The following UNC80 variants were observed in gnomAD, a reference collection of about 807,000 sequenced individuals.
The protein encoded by UNC80 is protein unc-80 homolog.
UNC80 carries 164 observed loss-of-function variants against 384.6 expected under a neutral mutation model. The ratio of observed to expected loss-of-function variants is 0.43; its 90% confidence interval spans 0.38 to 0.49. UNC80 has a LOEUF of 0.49. UNC80 is among the 20% of genes least tolerant of loss of function. The probability of loss-of-function intolerance (pLI) is 0.00; values close to 1 mark genes in which losing one functional copy is unlikely to be tolerated. For missense variants in UNC80, 3,330 were observed against 4,143.0 expected, an observed-to-expected ratio of 0.80 and a Z score of 5.39; for synonymous variants, 1,486 against 1,527.8, an observed-to-expected ratio of 0.97 and a Z score of 0.64.
At chr2:209,890,097 A>G (rs937522505) in intron 26 of UNC80, among the ~76,000 whole-genome samples, 3 of 152,084 alleles carry the variant, frequency 2.0e-5, no homozygotes, top group African/African-American at 4.8e-5. Flanking sequence ...TCCTATATGT[A>G]TATATATAAA....
chr2:209,976,303 G>C lies in UNC80; in HGVS notation c.8772G>C (p.Lys2924Asn). 6.4e-7 allele frequency: 1 copy of C among 1,551,764 alleles called. No individual in the cohort carries two copies. Among genetic ancestry groups the C allele is most frequent in the Non-Finnish European group, 8.7e-7 (1 of 1,147,024 alleles). The stretch of plus-strand genomic sequence containing the variant: ...TTTTGCGCCCTTTCATCCAGTGCAA[G>C]GTGTGGTGTGTGCTTCTCCTCCTGA... ...FVLLRPFIQC[K>N]LLAQPAENHE... The change falls in exon 57 of 65, where the codon AAG becomes AAC. Residue 2924 changes from lysine (K) to asparagine (N), a missense_variant and splice_region_variant. Physicochemically the swap from Lys to Asn is moderately conservative, Grantham distance 94 (BLOSUM62 0). Coordinates refer to ENST00000673920, the MANE Select transcript of UNC80 (RefSeq NM_001371986.1). The surrounding 1 kb of genome is among the most constrained non-coding windows in gnomAD (Gnocchi z 4.3).
At chr2:209,945,704 A>T in intron 46 of UNC80, 143 bp from the exon 47 acceptor site, 1 of 568,440 alleles carries the variant, frequency 1.8e-6, no homozygotes, top group Non-Finnish European at 3.1e-6. Flanking sequence ...TGAAGAAATT[A>T]ATAGTTTTCA....
At chr2:209,896,486 C>G (rs1224333872) in intron 28 of UNC80, 73 bp downstream of exon 28, 2 of 1,233,776 alleles carry the variant, frequency 1.6e-6, no homozygotes, top group Non-Finnish European at 2.3e-6. Context: ...GGAGGGAGGA[C>G]AAGAGATTAT....
In UNC80 at chr2:209,978,526, T is replaced by C. The variant is rs1040600515; in HGVS notation, c.8939-3T>C. The C allele has an allele frequency of 1.3e-6, 2 of 1,537,932 alleles. No homozygotes were observed. The highest frequency in any genetic ancestry group is 2.0e-5 in the Admixed American group (1 of 50,762). On this transcript the variant is annotated splice_polypyrimidine_tract_variant and splice_region_variant and intron_variant, in intron 58 of 64. Coordinates refer to ENST00000673920, the MANE Select transcript of UNC80 (RefSeq NM_001371986.1). ...ATTTCCTTTGGTCTCTCGCATCCTC[T>C]AGCCTACCAAGGCAAGACATCCATC...
At chr2:209,903,217 T>C (rs2124927831) in intron 28 of UNC80, among the ~76,000 whole-genome samples, 1 of 148,414 alleles carries the variant, frequency 6.7e-6, no homozygotes, top group East Asian at 2.0e-4. Context: ...TATTTTGGAA[T>C]ATTTTTGATC....
chr2:209,845,283 C>T (rs1214138430), intron 21 of UNC80: 1 of 152,110 alleles, frequency 6.6e-6, no homozygotes, highest in East Asian at 1.9e-4. Context: ...TATGGCATTT[C>T]ATTGTAGCTG....
At chr2:209,896,261 C>G in intron 27 of UNC80, 52 bp from the exon 28 acceptor site, 1 of 1,470,210 alleles carries the variant, frequency 6.8e-7, no homozygotes. Flanking sequence ...TACCAACATG[C>G]TCTCCAGGGA....
Position 209,976,827 on chromosome 2 carries a change from C to G in UNC80, c.8773-86C>G. Reference sequence around the variant, plus strand: ...CATCACATGCATTACCTTATTTATTCCTCACAACAATGAAATAGGTACAGC... The same window carrying G: ...CATCACATGCATTACCTTATTTATTGCTCACAACAATGAAATAGGTACAGC... On this transcript the variant is annotated intron_variant, in intron 57 of 64. Transcript: ENST00000673920. This position sits in a 1 kb window ranked among gnomAD's most constrained non-coding sequence, Gnocchi z 4.3. The G allele has an allele frequency of 2.2e-6, 3 of 1,375,058 alleles. No individual in the cohort carries two copies. The highest frequency in any genetic ancestry group is 2.9e-6 in the Non-Finnish European group (3 of 1,027,962). The allele number at this position is 1,375,058 out of a possible 1,614,324, so 85.2% of individuals were successfully genotyped here.
chr2:209,983,433 T>C (rs1181560264), intron 60 of UNC80, among the ~76,000 whole-genome samples: 1 of 152,118 alleles, frequency 6.6e-6, no homozygotes, highest in African/African-American at 2.4e-5. Context: ...GTTTGTATCA[T>C]TGTAAGAAAT....
rs2091747776 is a variant in UNC80 at position 209,943,402 on chromosome 2, A to G, written c.6938A>G (p.Asn2313Ser). Residue 2313 changes from asparagine to serine, a missense_variant, in exon 45 of 65, where the codon AAT becomes AGT. By Grantham distance (46) the Asn-to-Ser change is conservative. This residue lies in a region of UNC80 where 1,049 missense variants were observed against 1,488.6 expected (regional missense o/e 0.70). Coordinates refer to ENST00000673920, the MANE Select transcript of UNC80 (RefSeq NM_001371986.1). ...MLQVYSDYESNPQLRQAIEFA... is the reference protein window; with the variant it reads ...MLQVYSDYESSPQLRQAIEFA... ...TAGGTGTACTCCGACTATGAAAGCAATCCCCAGCTGCGTCAAGCCATCGAA... is the reference window on the plus strand; with the variant it reads ...TAGGTGTACTCCGACTATGAAAGCAGTCCCCAGCTGCGTCAAGCCATCGAA... The G allele has an allele frequency of 6.4e-7, 1 of 1,552,206 alleles. No individual in the cohort carries two copies. The highest frequency in any genetic ancestry group is 2.4e-5 in the East Asian group (1 of 40,914).
intron 63 of UNC80, 65 bp from the exon 64 acceptor site, chr2:209,994,000 A>G: frequency 7.1e-7 from 1 of 1,410,038 alleles, no homozygotes; most frequent in Non-Finnish European, 9.5e-7. Flanking sequence ...AATACCAACT[A>G]TTAAGCATTG....
Position 209,813,663 on chromosome 2 carries a change from C to T in UNC80, c.1022C>T (p.Pro341Leu). 1 of 1,551,748 alleles carries T rather than the reference C, an allele frequency of 6.4e-7. No homozygotes were observed. The highest frequency in any genetic ancestry group is 2.0e-5 in the Admixed American group (1 of 51,004). The change falls in exon 8 of 65, where the codon CCC becomes CTC. Residue 341 changes from proline to leucine, a missense_variant. Pro to Leu is a moderately conservative substitution (Grantham distance 98). This residue lies in a region of UNC80 where 937 missense variants were observed against 1,026.8 expected (regional missense o/e 0.91). Transcript: ENST00000673920. ...DVAVLRCLLQ[P>L]HWSEEGTQWS... is the part of the protein sequence containing the mutation. ...GCTGTTCTGCGCTGCCTACTTCAGC[C>T]CCATTGGTCTGAGGAAGGCACTCAG...
chr2:209,966,027 C>T (rs1168314930), intron 51 of UNC80, among the ~76,000 whole-genome samples: 1 of 152,100 alleles, frequency 6.6e-6, no homozygotes, highest in African/African-American at 2.4e-5. Context: ...TATGGCTGCC[C>T]CTGCTGATGC....
rs2093468548 is a variant in UNC80 at position 209,995,425 on chromosome 2, C to A, written c.9805C>A (p.Pro3269Thr). 1.3e-6 allele frequency: 2 copies of A among 1,551,870 alleles called. No individual in the cohort carries two copies. The highest frequency in any genetic ancestry group is 1.7e-6 in the Non-Finnish European group (2 of 1,147,032). The change falls in exon 65 of 65, where the codon CCT becomes ACT. Residue 3269 changes from proline (P) to threonine (T), a missense_variant. Physicochemically the swap from Pro to Thr is conservative, Grantham distance 38. This residue lies in a region of UNC80 where 236 missense variants were observed against 254.9 expected (regional missense o/e 0.93). Transcript: ENST00000673920. ...TCCACTCTCTGCCCAACTCTCTGAC[C>A]CTGATGACTTCACAGGCCTCGAGAC... is the stretch of plus-strand genomic sequence containing the variant. ...HSPLSAQLSD[P>T]DDFTGLETSS...
intron 51 of UNC80, chr2:209,961,328 A>G (rs1335555810): frequency 6.6e-6 from 1 of 152,220 alleles, no homozygotes; most frequent in African/African-American, 2.4e-5. Context: ...TTCAAATACT[A>G]TGTTAAACAC....
Position 209,970,812 on chromosome 2 carries a change from G to T in UNC80, c.8131-20G>T. On this transcript the variant is annotated intron_variant, in intron 53 of 64. Coordinates refer to ENST00000673920, the MANE Select transcript of UNC80 (RefSeq NM_001371986.1). ...AATTGCAATAGTCAAGGCTGGTCAT[G>T]TGCTCTGTTTGTATTTCAGGTGATG... 1 of 1,550,444 alleles carries T rather than the reference G, an allele frequency of 6.4e-7. No homozygotes were observed. The highest frequency in any genetic ancestry group is 1.2e-5 in the South Asian group (1 of 83,786).
Position 209,982,193 on chromosome 2 carries a change from A to G in UNC80, c.9133A>G (p.Met3045Val), listed in dbSNP as rs2093173688. 6.4e-7 allele frequency: 1 copy of G among 1,551,438 alleles called. No homozygotes were observed. ...GCCCCTTTTAGATGACTCTATAAGC[A>G]TGCCCAGCGTGGTAAGTGAACAAGA... The part of the protein sequence containing the change: ...EEDEENDSIS[M>V]PSVVSEQEAY... Residue 3045 changes from methionine to valine, a missense_variant, in exon 60 of 65, where the codon ATG (methionine) becomes GTG (valine). By Grantham distance (21) the Met-to-Val change is conservative. Around this residue, in one of 8 missense-constraint regions of UNC80, gnomAD observed 216 missense variants for 245.3 expected, o/e 0.88. Transcript: ENST00000673920.
Position 209,995,566 on chromosome 2 carries a change from G to A in UNC80, c.9946G>A (p.Asp3316Asn). The A allele has an allele frequency of 6.4e-7, 1 of 1,552,066 alleles. No individual in the cohort carries two copies. The highest frequency in any genetic ancestry group is 8.7e-7 in the Non-Finnish European group (1 of 1,147,090). Residue 3316 changes from aspartate (D) to asparagine (N), a missense_variant, in exon 65 of 65, where the codon GAT (aspartate) becomes AAT (asparagine). Physicochemically the swap from Asp to Asn is conservative, Grantham distance 23. This residue lies in a region of UNC80 where 236 missense variants were observed against 254.9 expected (regional missense o/e 0.93). Transcript: ENST00000673920. ...TACTCCCACTGAGCTGGGGAAAACG[G>A]ATGCAGTATTAGATGAGTCTCATGT... ...TFTPTELGKT[D>N]AVLDESHV
intron 25 of UNC80, among the ~76,000 whole-genome samples, chr2:209,883,426 CTTTTTTTTT>C (rs35807077): frequency 2.2e-4 from 22 of 100,546 alleles, no homozygotes; most frequent in Non-Finnish European, 3.4e-4. Context: ...CCATTCCACT[CTTTTTTTTT>C]TTTTTTTTTT....
Sources: gnomAD v4.1 joint callset for allele counts (sites outside exome capture counted in the v4.1 genomes callset) on GRCh38, gnomAD v4.1.1 for gene constraint, gnomAD v4.1.1 regional missense constraint, Gnocchi (gnomAD v3.1) non-coding constraint, MANE v1.5 for transcripts, NCBI Gene and HGNC (gene_info 2026-07-23, HGNC 2026-07-21) for gene names.